The following ZNF136 variants were observed in gnomAD, a reference collection of about 807,000 sequenced individuals.
The protein encoded by ZNF136 is zinc finger protein 136 (clone pHZ-20).
Under a neutral mutation model 11.4 loss-of-function variants are expected in ZNF136, and 8 were observed. The observed-to-expected ratio is 0.70, with a 90% CI of 0.41 to 1.27. The LOEUF is 1.27. Among genes scored for constraint, ZNF136 ranks in the 50% most tolerant of loss-of-function variants. The pLI is 0.01. For synonymous variants in ZNF136, 190 were observed against 207.1 expected (o/e 0.92, Z 0.71); for missense variants, 590 against 656.5 (o/e 0.90, Z 1.11).
At position 12,178,259 on chromosome 19, in the gene ZNF136, T is replaced by A. The variant is rs269814; in HGVS notation, c.4-7526T>A. Among the ~76,000 whole-genome samples the A allele has an allele frequency of 2.0e-5, 3 of 152,098 alleles. No homozygotes were observed. The East Asian group carries it at 5.8e-4, about 29-fold the overall frequency. On this transcript the variant is annotated intron_variant, in intron 1 of 3. Transcript: ENST00000343979. ...CCGTGTGTTGCCTGCCTTTCCACTC[T>A]GTTAATTGTTTCCTTTGCTGTGCTA... is the stretch of plus-strand genomic sequence containing the variant.
chr19:12,172,770 G>C (rs751937900), intron 1 of ZNF136, among the ~76,000 whole-genome samples: 1 of 152,142 alleles, frequency 6.6e-6, no homozygotes, highest in Non-Finnish European at 1.5e-5. Context: ...TCCCAGTACT[G>C]TGGGAGGCTG....
chr19:12,170,357 T>G (rs1914622958), intron 1 of ZNF136, among the ~76,000 whole-genome samples: 1 of 152,324 alleles, frequency 6.6e-6, no homozygotes, highest in Non-Finnish European at 1.5e-5. Flanking sequence ...ATGTAATTGT[T>G]GTTTTTGTCT....
At chr19:12,175,415 A>G (rs1432273602) in intron 1 of ZNF136, among the ~76,000 whole-genome samples, 1 of 151,916 alleles carries the variant, frequency 6.6e-6, no homozygotes, top group Non-Finnish European at 1.5e-5. Context: ...GGCTCGTCTC[A>G]AACTCCTGAC....
chr19:12,182,382 G>C (rs945114840), intron 1 of ZNF136, among the ~76,000 whole-genome samples: 2 of 152,190 alleles, frequency 1.3e-5, no homozygotes, highest in African/African-American at 2.4e-5. Context: ...GAACTGACTG[G>C]GGCTGCCCCA....
At chr19:12,176,259 A>G (rs1039882549) in intron 1 of ZNF136, among the ~76,000 whole-genome samples, 8 of 152,146 alleles carry the variant, frequency 5.3e-5, no homozygotes, top group Non-Finnish European at 4.4e-5. Context: ...TCTGAAAATC[A>G]AGTGAATGTG....
At chr19:12,181,416 C>T (rs1374776251) in intron 1 of ZNF136, among the ~76,000 whole-genome samples, 5 of 152,002 alleles carry the variant, frequency 3.3e-5, no homozygotes, top group African/African-American at 4.8e-5. Context: ...CTTCTGTTCT[C>T]GGATGCACAG....
At chr19:12,174,659 G>A (rs140553835) in intron 1 of ZNF136, among the ~76,000 whole-genome samples, 71 of 151,050 alleles carry the variant, frequency 4.7e-4, no homozygotes, top group African/African-American at 1.7e-3. Flanking sequence ...TTTTTGAGAC[G>A]GAGTCTCGCT....
intron 1 of ZNF136, chr19:12,184,567 A>T (rs1011440797): frequency 6.6e-6 from 1 of 152,118 alleles, no homozygotes; most frequent in African/African-American, 2.4e-5. Flanking sequence ...AAAAAAAAAA[A>T]AAAAAAGGTA....
In ZNF136 at chr19:12,186,142, A is replaced by C. The variant is rs199610444; in HGVS notation, c.159A>C (p.Lys53Asn). Residue 53 changes from lysine to asparagine, a missense_variant, in exon 3 of 4, where the codon AAA becomes AAC. Physicochemically the swap from Lys to Asn is moderately conservative, Grantham distance 94. Transcript: ENST00000343979. ...IGKKWKDQNIKDHYKHRGRNL... is the reference protein window; with the variant it reads ...IGKKWKDQNINDHYKHRGRNL... ...AAAAATGGAAGGACCAGAACATTAA[A>C]GATCACTACAAACACCGAGGGAGAA... 6.2e-7 allele frequency: 1 copy of C among 1,611,610 alleles called. No individual in the cohort carries two copies. Among genetic ancestry groups the C allele is most frequent in the East Asian group, 2.2e-5 (1 of 44,866 alleles).
rs1482129022 is a variant in ZNF136 at position 12,188,762 on chromosome 19, A to G, written c.*761A>G. ...CACTTGAGGTCAGGAGTTTGAGACC[A>G]GTGTGCAAAACATAGCAAGACCTCA... On this transcript the variant is annotated 3_prime_UTR_variant, in exon 4 of 4. Transcript: ENST00000343979. The G allele has an allele frequency of 1.3e-5, 2 of 152,006 alleles. No individual in the cohort carries two copies. The highest frequency in any genetic ancestry group is 2.4e-5 in the African/African-American group (1 of 41,356). The allele number at this position is 152,006 out of a possible 1,614,324, so 9.4% of individuals were successfully genotyped here. A position where few individuals can be genotyped will look rare whatever the true frequency, so the allele number is the denominator to read the frequency against.
At position 12,187,144 on chromosome 19, in the gene ZNF136, G is replaced by A. The variant is rs759070335; in HGVS notation, c.766G>A (p.Val256Ile). ...TGGAGATGGACCTTATAAATGTAAG[G>A]TATGTGGGAAACCCTTTCATTCTCT... The part of the protein sequence containing the change: ...HTGDGPYKCK[V>I]CGKPFHSLSS... Residue 256 changes from valine (V) to isoleucine (I), a missense_variant, in exon 4 of 4, where the codon GTA (valine) becomes ATA (isoleucine). By Grantham distance (29) the Val-to-Ile change is conservative. Transcript: ENST00000343979. 4 of 1,614,108 alleles carry A rather than the reference G, an allele frequency of 2.5e-6. No homozygotes were observed. The South Asian group carries it at 3.3e-5, about 13-fold the overall frequency.
chr19:12,173,019 A>C (rs913396789), intron 1 of ZNF136, among the ~76,000 whole-genome samples: 6 of 152,102 alleles, frequency 3.9e-5, no homozygotes, highest in Admixed American at 6.6e-5. Context: ...TCAAAAAAAA[A>C]CAAAAAAATT....
intron 1 of ZNF136, among the ~76,000 whole-genome samples, chr19:12,169,702 G>A (rs973913413): frequency 3.3e-5 from 5 of 151,788 alleles, no homozygotes; most frequent in Admixed American, 1.3e-4. Flanking sequence ...CCAGCCTCCC[G>A]GGTTCATGCG....
chr19:12,179,871 ATT>A (rs879492095), intron 1 of ZNF136, among the ~76,000 whole-genome samples: 2 of 147,228 alleles, frequency 1.4e-5, no homozygotes, highest in South Asian at 2.1e-4. Flanking sequence ...ACTATTGATA[ATT>A]TTTTTTTTTT....
rs1348170686 is a variant in ZNF136 at position 12,187,550 on chromosome 19, C to T, written c.1172C>T (p.Pro391Leu). Residue 391 changes from proline (P) to leucine (L), a missense_variant, in exon 4 of 4, where the codon CCT (proline) becomes CTT (leucine). Coordinates refer to ENST00000343979, the MANE Select transcript of ZNF136 (RefSeq NM_003437.5). The part of the protein sequence containing the change: ...RHMIKHTGEG[P>L]YKCKVCGKPF... Reference sequence around the variant, plus strand: ...ATGATAAAACATACTGGAGAAGGACCTTATAAATGTAAGGTATGTGGGAAA... The same window carrying T: ...ATGATAAAACATACTGGAGAAGGACTTTATAAATGTAAGGTATGTGGGAAA... The T allele has an allele frequency of 7.4e-6, 12 of 1,613,880 alleles. No homozygotes were observed. The highest frequency in any genetic ancestry group is 1.0e-5 in the Non-Finnish European group (12 of 1,179,994).
At chr19:12,174,443 G>A (rs1350581504) in intron 1 of ZNF136, among the ~76,000 whole-genome samples, 1 of 152,106 alleles carries the variant, frequency 6.6e-6, no homozygotes, top group Admixed American at 6.6e-5. Context: ...GCCTTAAATA[G>A]ATGCTCTTGT....
intron 1 of ZNF136, among the ~76,000 whole-genome samples, chr19:12,170,612 G>A (rs1214968364): frequency 6.7e-6 from 1 of 150,108 alleles, no homozygotes; most frequent in African/African-American, 2.5e-5. Flanking sequence ...TCAAACCCTT[G>A]GGCTCAGCAC....
Position 12,185,789 on chromosome 19 carries a change from C to T in ZNF136, c.8C>T (p.Ser3Leu), listed in dbSNP as rs141763944. 20 of 1,613,048 alleles carry T rather than the reference C, an allele frequency of 1.2e-5. 1 individual carries two copies. Among genetic ancestry groups the T allele is most frequent in the East Asian group, 2.2e-5 (1 of 44,886 alleles). MD[S>L]VAFEDVDVNF... ...CACATATGTGGGATGTTTCAGGACT[C>T]GGTGGCTTTTGAGGATGTAGATGTG... is the stretch of plus-strand genomic sequence containing the variant. The change falls in exon 2 of 4, where the codon TCG becomes TTG. Residue 3 changes from serine to leucine, a missense_variant. By Grantham distance (145) the Ser-to-Leu change is moderately radical (BLOSUM62 -2). Transcript: ENST00000343979.
intron 1 of ZNF136, among the ~76,000 whole-genome samples, chr19:12,184,225 C>T (rs1177451297): frequency 6.7e-6 from 1 of 149,436 alleles, no homozygotes; most frequent in Non-Finnish European, 1.5e-5. Flanking sequence ...AAGACCCTGC[C>T]ACTGCACTCC....
Sources: allele counts gnomAD v4.1 joint callset (sites outside exome capture counted in the v4.1 genomes callset), GRCh38; gene constraint gnomAD v4.1.1; transcripts MANE v1.5; gene names NCBI Gene and HGNC (gene_info 2026-07-23, HGNC 2026-07-21).